The following DMD variants were observed in gnomAD, a reference collection of about 807,000 sequenced individuals.
DMD encodes the protein mutant dystrophin.
Under a neutral mutation model 330.1 loss-of-function variants are expected in DMD, and 63 were observed. That is an observed-to-expected ratio of 0.19 (90% CI 0.16 to 0.24). The LOEUF is 0.24. DMD is among the 10% of genes least tolerant of loss of function. The pLI is 1.00. For missense variants in DMD, 3,344 were observed against 2,684.1 expected, an observed-to-expected ratio of 1.25 and a Z score of -5.43; for synonymous variants, 1,223 against 959.8, an observed-to-expected ratio of 1.27 and a Z score of -5.07.
intron 49 of DMD, among the ~76,000 whole-genome samples, chrX:31,829,955 C>T (rs776268027): frequency 1.8e-5 from 2 of 112,433 alleles, no homozygotes; most frequent in African/African-American, 6.4e-5. Context: ...CTACTGAGTA[C>T]ATGAGACTTT....
chrX:31,391,951 T>C (rs1451606716), intron 60 of DMD, among the ~76,000 whole-genome samples: 4 of 110,912 alleles, frequency 3.6e-5, no homozygotes, highest in Non-Finnish European at 7.6e-5. Context: ...ATAAATAGAG[T>C]GGTAGACACT....
At chrX:32,617,302 G>T (rs918996841) in intron 11 of DMD, among the ~76,000 whole-genome samples, 12 of 111,299 alleles carry the variant, frequency 1.1e-4, no homozygotes, top group African/African-American at 3.9e-4. Context: ...TCCCACTAAG[G>T]TCAAAGTACG....
intron 44 of DMD, among the ~76,000 whole-genome samples, chrX:32,121,682 G>T (rs2096636941): frequency 1.3e-5 from 1 of 77,929 alleles, no homozygotes; most frequent in Non-Finnish European, 2.4e-5. Flanking sequence ...GTTTTATTCA[G>T]AATGCAGAAG....
intron 55 of DMD, among the ~76,000 whole-genome samples, chrX:31,544,184 C>T (rs776877084): frequency 6.3e-5 from 7 of 110,554 alleles, no homozygotes; most frequent in Non-Finnish European, 1.3e-4. Flanking sequence ...ATTTGCCAGG[C>T]ATGGTGGCAT....
At chrX:33,210,306 C>T (rs1313227408) in intron 1 of DMD, among the ~76,000 whole-genome samples, 1 of 109,702 alleles carries the variant, frequency 9.1e-6, no homozygotes, top group African/African-American at 3.3e-5. Context: ...AGGCATTGCC[C>T]TCATATCTAT....
intron 2 of DMD, among the ~76,000 whole-genome samples, chrX:32,886,662 G>T (rs776509057): frequency 9.0e-6 from 1 of 110,675 alleles, no homozygotes; most frequent in South Asian, 3.9e-4. Context: ...CAGCCTGGGC[G>T]ACAGAGCAAG....
At chrX:33,009,921 T>A (rs1334354380) in intron 2 of DMD, among the ~76,000 whole-genome samples, 1 of 59,656 alleles carries the variant, frequency 1.7e-5, no homozygotes, top group Admixed American at 1.7e-4. Flanking sequence ...TGTATATGTG[T>A]GTATACACAT....
At chrX:31,547,545 C>T (rs977050135) in intron 55 of DMD, among the ~76,000 whole-genome samples, 1 of 111,623 alleles carries the variant, frequency 9.0e-6, no homozygotes, top group Admixed American at 9.5e-5. Flanking sequence ...CTCGATGTTG[C>T]CCTGTACTCT....
At chrX:32,580,323 C>G (rs2053524509) in intron 13 of DMD, among the ~76,000 whole-genome samples, 1 of 112,183 alleles carries the variant, frequency 8.9e-6, no homozygotes, top group Non-Finnish European at 1.9e-5. Context: ...TTTCCCCACC[C>G]AACTTTTGTC....
In DMD at chrX:31,147,338, G is replaced by T. The variant is rs762374364; in HGVS notation, c.10734C>A (p.Ile3578=). Residue 3578 remains isoleucine, a synonymous_variant, in exon 75 of 79, where the codon ATC becomes ATA. Transcript: ENST00000357033. ...CCAGCTGTTTATTGTGGTCTTCCAG[G>T]ATTTGCATCCTGGCTTCCAGGCGGC... is the stretch of plus-strand genomic sequence containing the variant. The part of the protein sequence containing the change: ...HKGRLEARMQ[I]LEDHNKQLES... The T allele has an allele frequency of 9.1e-6, 11 of 1,208,157 alleles. No homozygotes were observed. Among genetic ancestry groups the T allele is most frequent in the Non-Finnish European group, 1.1e-5 (10 of 894,794 alleles).
chrX:32,559,928 G>T (rs1306967126), intron 16 of DMD, among the ~76,000 whole-genome samples: 1 of 110,695 alleles, frequency 9.0e-6, no homozygotes, highest in South Asian at 3.9e-4. Flanking sequence ...CTTGAATGTA[G>T]GCACAAACAT....
At chrX:31,956,136 T>C (rs183954051) in intron 45 of DMD, among the ~76,000 whole-genome samples, 2 of 111,207 alleles carry the variant, frequency 1.8e-5, no homozygotes, top group East Asian at 5.7e-4. Context: ...TTGTGATAGA[T>C]AGAGAGCTGA....
At chrX:32,932,569 A>T (rs2089682211) in intron 2 of DMD, among the ~76,000 whole-genome samples, 1 of 112,154 alleles carries the variant, frequency 8.9e-6, no homozygotes, top group Non-Finnish European at 1.9e-5. Context: ...TTAATATTTG[A>T]ATAAATATCA....
At chrX:32,008,673 GC>G (rs1473724120) in intron 44 of DMD, among the ~76,000 whole-genome samples, 1 of 111,707 alleles carries the variant, frequency 9.0e-6, no homozygotes, top group Admixed American at 9.5e-5. Flanking sequence ...CAAAAATGCT[GC>G]ATGAAAAATA....
rs761641036 is a variant in DMD, at chrX:32,656,433, A to G, written c.961-11281T>C. ...AGAGAAGTAAGTCTGAAAGAGAAAC[A>G]AACTCATTTTTTAGTTCATCCATCC... On this transcript the variant is annotated intron_variant, in intron 9 of 78. Transcript: ENST00000357033. 3.6e-5 allele frequency among the ~76,000 whole-genome samples: 4 copies of G among 112,077 alleles called. No individual in the cohort carries two copies. In the South Asian group the frequency reaches 1.5e-3, roughly 42 times the overall value.
At chrX:32,849,173 A>G (rs949896396) in intron 3 of DMD, among the ~76,000 whole-genome samples, 1 of 111,666 alleles carries the variant, frequency 9.0e-6, no homozygotes, top group Non-Finnish European at 1.9e-5. Context: ...TTTCAATTTG[A>G]GTTCTTTCCC....
chrX:32,454,466 CATTAAA>C (rs1388873267), intron 26 of DMD, among the ~76,000 whole-genome samples, 190 bp downstream of exon 26: 3 of 110,485 alleles, frequency 2.7e-5, no homozygotes, highest in Non-Finnish European at 3.8e-5. Context: ...GACCACAATG[CATTAAA>C]ATTAAACAGT....
intron 43 of DMD, among the ~76,000 whole-genome samples, chrX:32,241,171 T>C (rs1488072083): frequency 8.9e-6 from 1 of 112,370 alleles, no homozygotes; most frequent in East Asian, 2.8e-4. Flanking sequence ...GTCATTTCTA[T>C]TGGAGGTCCA....
At chrX:32,368,606 G>A (rs2097862364) in intron 34 of DMD, among the ~76,000 whole-genome samples, 1 of 111,881 alleles carries the variant, frequency 8.9e-6, no homozygotes, top group African/African-American at 3.2e-5. Context: ...ATCTTCAGAT[G>A]TATGGAGAAC....
Sources: allele counts gnomAD v4.1 joint callset (sites outside exome capture counted in the v4.1 genomes callset), GRCh38; gene constraint gnomAD v4.1.1; transcripts MANE v1.5; gene names NCBI Gene and HGNC (gene_info 2026-07-23, HGNC 2026-07-21).